The following RAPGEF4 variants were observed in gnomAD, a reference collection of about 807,000 sequenced individuals.
The protein encoded by RAPGEF4 is Rap guanine nucleotide exchange factor 4.
RAPGEF4 carries 66 observed loss-of-function variants against 147.9 expected under a neutral mutation model. The observed-to-expected ratio is 0.45, with a 90% CI of 0.37 to 0.55. RAPGEF4 has a LOEUF of 0.55. Among genes scored for constraint, RAPGEF4 ranks in the 20% least tolerant of loss-of-function variants. RAPGEF4 has a pLI of 0.00. For missense variants in RAPGEF4, 1,071 were observed against 1,257.3 expected (o/e 0.85, Z 2.24); for synonymous variants, 419 against 442.7 (o/e 0.95, Z 0.67).
chr2:172,954,882 A>G (rs1210313092), intron 6 of RAPGEF4, among the ~76,000 whole-genome samples: 1 of 152,190 alleles, frequency 6.6e-6, no homozygotes, highest in African/African-American at 2.4e-5. Flanking sequence ...TAATTGTTTA[A>G]CCCGTAGAAG....
intron 29 of RAPGEF4, among the ~76,000 whole-genome samples, chr2:173,047,312 C>G (rs1685600786): frequency 6.6e-6 from 1 of 152,128 alleles, no homozygotes; most frequent in African/African-American, 2.4e-5. Context: ...GAGCTCAGCA[C>G]AAAAGATTCC....
At chr2:172,864,333 A>G (rs1370640523) in intron 4 of RAPGEF4, among the ~76,000 whole-genome samples, 3 of 152,178 alleles carry the variant, frequency 2.0e-5, no homozygotes, top group African/African-American at 7.2e-5. Flanking sequence ...TGAAGGAGGA[A>G]CACAAAAAGG....
intron 6 of RAPGEF4, among the ~76,000 whole-genome samples, chr2:172,944,282 A>G (rs1687462100): frequency 6.6e-6 from 1 of 152,222 alleles, no homozygotes; most frequent in Admixed American, 6.5e-5. Context: ...GCGATAAGAC[A>G]GTCATGTATT....
chr2:172,962,419 A>C (rs1689389491), intron 8 of RAPGEF4, among the ~76,000 whole-genome samples: 1 of 152,156 alleles, frequency 6.6e-6, no homozygotes, highest in Non-Finnish European at 1.5e-5. Flanking sequence ...TAGAATCTAC[A>C]AAGGTTCTGG....
At chr2:173,023,368 T>C (rs1696303905) in intron 23 of RAPGEF4, among the ~76,000 whole-genome samples, 1 of 152,254 alleles carries the variant, frequency 6.6e-6, no homozygotes, top group African/African-American at 2.4e-5. Flanking sequence ...CAGATCTGTC[T>C]GTGCGATGCA....
At chr2:172,900,014 C>T (rs1698903185) in intron 4 of RAPGEF4, among the ~76,000 whole-genome samples, 1 of 152,212 alleles carries the variant, frequency 6.6e-6, no homozygotes, top group Non-Finnish European at 1.5e-5. Context: ...TGCCAGATAA[C>T]TGGACACATG....
At chr2:172,736,084 C>A in intron 1 of RAPGEF4, 36 bp downstream of exon 1, 1 of 1,439,842 alleles carries the variant, frequency 6.9e-7, no homozygotes, top group Non-Finnish European at 9.2e-7. Context: ...GGGCCGAGCT[C>A]TGCGGTGCTG....
Position 172,996,561 on chromosome 2 carries a change from A to G in RAPGEF4, c.1579+7A>G, listed in dbSNP as rs1421631725. The G allele has an allele frequency of 2.0e-6, 3 of 1,535,854 alleles. No individual in the cohort carries two copies. The highest frequency in any genetic ancestry group is 2.6e-6 in the Non-Finnish European group (3 of 1,136,616). On this transcript the variant is annotated splice_region_variant and intron_variant, in intron 16 of 30. Coordinates refer to ENST00000397081, the MANE Select transcript of RAPGEF4 (RefSeq NM_007023.4). ...ACTTTAAATGAAGCAACAGGTATACACATAGAACCGTTTGCATGTCCATTA... is the reference window on the plus strand; with the variant it reads ...ACTTTAAATGAAGCAACAGGTATACGCATAGAACCGTTTGCATGTCCATTA...
intron 1 of RAPGEF4, among the ~76,000 whole-genome samples, chr2:172,769,426 G>A (rs979976301): frequency 6.6e-6 from 1 of 152,190 alleles, no homozygotes; most frequent in African/African-American, 2.4e-5. Context: ...GACAAAGTCT[G>A]TCTGAGCTCT....
At chr2:172,910,180 T>C (rs932331684) in intron 4 of RAPGEF4, among the ~76,000 whole-genome samples, 2 of 152,244 alleles carry the variant, frequency 1.3e-5, no homozygotes, top group African/African-American at 4.8e-5. Context: ...TCATCTATTT[T>C]AGGCCACATA....
At chr2:172,751,446 T>C in intron 1 of RAPGEF4, among the ~76,000 whole-genome samples, 1 of 152,094 alleles carries the variant, frequency 6.6e-6, no homozygotes, top group East Asian at 1.9e-4. Context: ...AGTTAGATGG[T>C]AATAAATGCT....
intron 4 of RAPGEF4, among the ~76,000 whole-genome samples, chr2:172,841,377 A>T (rs1042220441): frequency 2.0e-5 from 3 of 152,152 alleles, no homozygotes; most frequent in East Asian, 1.9e-4. Flanking sequence ...CTGGAAGCAG[A>T]TGTTGGTGCC....
intron 4 of RAPGEF4, among the ~76,000 whole-genome samples, chr2:172,902,008 G>T (rs576948930): frequency 2.0e-5 from 3 of 152,284 alleles, no homozygotes; most frequent in Admixed American, 6.5e-5. Context: ...CTGGGGGTTG[G>T]GGAAGGCCAC....
intron 12 of RAPGEF4, 75 bp from the exon 13 acceptor site, chr2:172,988,121 A>G: frequency 1.4e-6 from 2 of 1,479,070 alleles, no homozygotes; most frequent in East Asian, 2.5e-5. Flanking sequence ...ACTTAAAGTG[A>G]TGATTTGATA....
rs540468889 is a variant in RAPGEF4, at chr2:172,783,592, G to T, written c.66-11433G>T. Among the ~76,000 whole-genome samples the T allele has an allele frequency of 3.7e-4, 56 of 152,184 alleles. 1 individual carries two copies. The South Asian group carries it at 7.5e-3, about 20-fold the overall frequency. On this transcript the variant is annotated intron_variant, in intron 1 of 30. Transcript: ENST00000397081. ...TGGGATCTCAGGCTCCTTCAAAGGG[G>T]TTTTTTTCTGAGAGTCACCCTGAAT...
rs1696683904 is a variant in RAPGEF4 at position 173,026,570 on chromosome 2, A to G, written c.2254-2A>G. The G allele has an allele frequency of 2.5e-6, 4 of 1,612,074 alleles. No homozygotes were observed. Among genetic ancestry groups the G allele is most frequent in the African/African-American group, 1.3e-5 (1 of 74,798 alleles). ...GATATGTTTTTGCATTATTATTCAT[A>G]GACTCCCTTACCAGAACAGGAAGGC... On this transcript the variant is annotated splice_acceptor_variant, in intron 23 of 30. Coordinates refer to ENST00000397081, the MANE Select transcript of RAPGEF4 (RefSeq NM_007023.4). LOFTEE classifies it high-confidence loss of function.
At chr2:172,896,798 G>T (rs969692482) in intron 4 of RAPGEF4, among the ~76,000 whole-genome samples, 2 of 152,178 alleles carry the variant, frequency 1.3e-5, no homozygotes, top group Admixed American at 6.5e-5. Flanking sequence ...CTATATATAT[G>T]CAAAGTTGTT....
At chr2:172,763,127 A>C (rs10188856) in intron 1 of RAPGEF4, among the ~76,000 whole-genome samples, 1,838 of 152,326 alleles carry the variant, frequency 0.012, 35 homozygotes, top group African/African-American at 0.038. Flanking sequence ...CTCTGGCAGA[A>C]TATGAAGCTC....
chr2:172,745,670 T>G (rs968247709), intron 1 of RAPGEF4, among the ~76,000 whole-genome samples: 1 of 152,208 alleles, frequency 6.6e-6, no homozygotes, highest in Non-Finnish European at 1.5e-5. Context: ...TCTTCTTTAC[T>G]AATATAAGCA....
Sources: gnomAD v4.1 joint callset for allele counts (sites outside exome capture counted in the v4.1 genomes callset) on GRCh38, gnomAD v4.1.1 for gene constraint, MANE v1.5 for transcripts, NCBI Gene and HGNC (gene_info 2026-07-23, HGNC 2026-07-21) for gene names.